Variants in CCT5 observed in about 807,000 individuals in gnomAD.
CCT5 encodes T-complex protein 1 subunit epsilon.
In CCT5, 6 loss-of-function variants were observed where a neutral mutation model predicts 55.0. That is an observed-to-expected ratio of 0.11 (90% CI 0.06 to 0.22). CCT5 has a LOEUF of 0.22. Among genes scored for constraint, CCT5 ranks in the 10% least tolerant of loss-of-function variants. The pLI, the probability that CCT5 is intolerant of heterozygous loss-of-function variation, is 1.00. For missense variants in CCT5, 560 were observed against 694.6 expected (o/e 0.81, Z 2.18); for synonymous variants, 231 against 243.7 (o/e 0.95, Z 0.49).
intron 4 of CCT5, among the ~76,000 whole-genome samples, chr5:10,256,884 G>A (rs923171086): frequency 1.3e-5 from 2 of 152,134 alleles, no homozygotes; most frequent in African/African-American, 2.4e-5. Flanking sequence ...TTCAGCGTTC[G>A]TGTAATGTCC....
At chr5:10,258,992 C>CA (rs999098279) in intron 6 of CCT5, among the ~76,000 whole-genome samples, 2 of 151,594 alleles carry the variant, frequency 1.3e-5, no homozygotes, top group Non-Finnish European at 2.9e-5. Flanking sequence ...GACTCTGTCT[C>CA]AAAAAAAATG....
chr5:10,251,839 A>G (rs1435299719), intron 1 of CCT5, among the ~76,000 whole-genome samples: 1 of 152,196 alleles, frequency 6.6e-6, no homozygotes, highest in African/African-American at 2.4e-5. Flanking sequence ...ATAACATCCA[A>G]TACACACACC....
At chr5:10,249,981 T>G, upstream of CCT5, 1 of 1,350,640 alleles carries the variant, frequency 7.4e-7, no homozygotes, top group African/African-American at 1.9e-5. Context: ...TGCGAAGAAA[T>G]AAAGAAATAG....
chr5:10,263,357 T>C (rs761620957), intron 10 of CCT5, 43 bp downstream of exon 10: 1 of 1,535,976 alleles, frequency 6.5e-7, no homozygotes, highest in Non-Finnish European at 9.0e-7. Flanking sequence ...GGGGGATGTC[T>C]GATTTAAACT....
chr5:10,259,451 C>G lies in CCT5; in HGVS notation c.873+916C>G, dbSNP rs187355944. On this transcript the variant is annotated intron_variant, in intron 6 of 10. Coordinates refer to ENST00000280326, the MANE Select transcript of CCT5 (RefSeq NM_012073.5). ...ACGGTTCTTGGTGCCTACGACATAC[C>G]AGGCTCTGTTGTAGGCACTAAAGGT... Among the ~76,000 whole-genome samples, 26 of 152,278 alleles carry G rather than the reference C, an allele frequency of 1.7e-4. No individual in the cohort carries two copies. In the East Asian group the frequency reaches 2.9e-3, roughly 17 times the overall value.
rs374488155 is a variant in CCT5 at position 10,256,023 on chromosome 5, G to A, written c.400G>A (p.Ala134Thr). ...LDRGIHPIRI[A>T]DGYEQAARVA... ...CCGAGGCATTCACCCAATCAGAATAGCCGATGGCTATGAGCAGGCTGCTCG... is the reference window on the plus strand; with the variant it reads ...CCGAGGCATTCACCCAATCAGAATAACCGATGGCTATGAGCAGGCTGCTCG... Residue 134 changes from alanine to threonine, a missense_variant, in exon 4 of 11, where the codon GCC (alanine) becomes ACC (threonine). Physicochemically the swap from Ala to Thr is moderately conservative, Grantham distance 58. Around this residue, in one of 4 missense-constraint regions of CCT5, gnomAD observed 137 missense variants for 181.9 expected, o/e 0.75. Coordinates refer to ENST00000280326, the MANE Select transcript of CCT5 (RefSeq NM_012073.5). 6.2e-7 allele frequency: 1 copy of A among 1,614,078 alleles called. No individual in the cohort carries two copies. Among genetic ancestry groups the A allele is most frequent in the Non-Finnish European group, 8.5e-7 (1 of 1,180,030 alleles).
At chr5:10,264,167 C>T (rs1746114227) in intron 10 of CCT5, among the ~76,000 whole-genome samples, 2 of 151,906 alleles carry the variant, frequency 1.3e-5, no homozygotes, top group African/African-American at 4.8e-5. Context: ...CCCAGCTACT[C>T]GGGAGGCTGA....
In CCT5 at chr5:10,263,280, T is replaced by A; in HGVS notation, c.1464T>A (p.Ala488=). Residue 488 remains alanine, a synonymous_variant, in exon 10 of 11, where the codon GCT becomes GCA. Transcript: ENST00000280326. The stretch of plus-strand genomic sequence containing the variant: ...GACAGGTGAAGGAGATGAACCCTGC[T>A]CTTGGCATCGACTGTTTGCACAAGG... ...RARQVKEMNP[A]LGIDCLHKGT... 1.2e-6 allele frequency: 2 copies of A among 1,608,010 alleles called. No homozygotes were observed. The highest frequency in any genetic ancestry group is 1.7e-6 in the Non-Finnish European group (2 of 1,177,458).
chr5:10,258,026 CTT>C lies in CCT5; in HGVS notation c.531-83_531-82del. 5.2e-6 allele frequency: 7 copies of C among 1,345,966 alleles called. No homozygotes were observed. In the East Asian group the frequency reaches 1.4e-4, roughly 27 times the overall value. The allele number at this position is 1,345,966 out of a possible 1,614,324, so 83.4% of individuals were successfully genotyped here. A position where few individuals can be genotyped will look rare whatever the true frequency, so the allele number is the denominator to read the frequency against. ...ACTCAAAACATCGTTTGATTTATAT[CTT>C]TGAGTAACATTGTGTTATGTGGCCT... On this transcript the variant is annotated intron_variant, in intron 4 of 10. Coordinates refer to ENST00000280326, the MANE Select transcript of CCT5 (RefSeq NM_012073.5).
intron 4 of CCT5, among the ~76,000 whole-genome samples, chr5:10,257,030 A>G (rs1222940884): frequency 6.6e-6 from 1 of 152,234 alleles, no homozygotes; most frequent in Non-Finnish European, 1.5e-5. Context: ...CCGTAATATA[A>G]CATAAAAATC....
intron 1 of CCT5, among the ~76,000 whole-genome samples, chr5:10,251,935 C>G (rs1242468285): frequency 2.6e-5 from 4 of 152,216 alleles, no homozygotes; most frequent in African/African-American, 9.7e-5. Flanking sequence ...AAGTCGCACA[C>G]TCTGAGACAG....
chr5:10,252,771 T>C (rs1025075090), intron 1 of CCT5, among the ~76,000 whole-genome samples: 1 of 152,192 alleles, frequency 6.6e-6, no homozygotes, highest in African/African-American at 2.4e-5. Context: ...TTTGATACTC[T>C]TCCCTCTGGA....
upstream of CCT5, chr5:10,250,164 G>A: frequency 6.5e-7 from 1 of 1,537,972 alleles, no homozygotes; most frequent in East Asian, 2.5e-5. Context: ...GTTCCCGAAG[G>A]CCGCCGATTC....
intron 3 of CCT5, 116 bp downstream of exon 3, chr5:10,254,954 C>A: frequency 1.1e-6 from 1 of 880,194 alleles, no homozygotes; most frequent in Non-Finnish European, 1.9e-6. Context: ...CAGACAAATC[C>A]AAGTTGAAAA....
At chr5:10,250,275 G>A (rs1302560125), upstream of CCT5, 7 of 1,610,602 alleles carry the variant, frequency 4.3e-6, no homozygotes, top group Non-Finnish European at 5.1e-6. Flanking sequence ...CCGAGAAAGG[G>A]AAGTGCATTC....
At chr5:10,251,848 C>T (rs762191500) in intron 1 of CCT5, among the ~76,000 whole-genome samples, 3 of 152,244 alleles carry the variant, frequency 2.0e-5, no homozygotes, top group Non-Finnish European at 2.9e-5. Flanking sequence ...AATACACACA[C>T]CTGGTGTAAC....
intron 6 of CCT5, 23 bp downstream of exon 6, chr5:10,258,558 G>A (rs1237285418): frequency 6.2e-7 from 1 of 1,605,638 alleles, no homozygotes; most frequent in Non-Finnish European, 8.5e-7. Context: ...AGAGTCCTCA[G>A]TGGAATTTAA....
Position 10,266,265 on chromosome 5 carries a change from T to G in CCT5, c.*1482T>G, listed in dbSNP as rs1312044689. 1 of 152,196 alleles carries G rather than the reference T, an allele frequency of 6.6e-6. No homozygotes were observed. Among genetic ancestry groups the G allele is most frequent in the Non-Finnish European group, 1.5e-5 (1 of 68,040 alleles). The allele number at this position is 152,196 out of a possible 1,614,324, so 9.4% of individuals were successfully genotyped here. A position where few individuals can be genotyped will look rare whatever the true frequency, so the allele number is the denominator to read the frequency against. On this transcript the variant is annotated 3_prime_UTR_variant, in exon 11 of 11. Transcript: ENST00000280326. ...CTAAACCAATCCCCCTTTCCAAAAT[T>G]GAACCTCACAGACGTTCCTGTTTTT... is the stretch of plus-strand genomic sequence containing the variant.
chr5:10,250,597 G>A, intron 1 of CCT5, 152 bp downstream of exon 1: 2 of 1,468,074 alleles, frequency 1.4e-6, no homozygotes, highest in African/African-American at 1.4e-5. Flanking sequence ...CGCTCAGCCC[G>A]CTTACTGAGC....
Sources: gnomAD v4.1 joint callset for allele counts (sites outside exome capture counted in the v4.1 genomes callset) on GRCh38, gnomAD v4.1.1 for gene constraint, gnomAD v4.1.1 regional missense constraint, MANE v1.5 for transcripts, NCBI Gene and HGNC (gene_info 2026-07-23, HGNC 2026-07-21) for gene names.